The following CAPN3 variants were observed in gnomAD, a reference collection of about 807,000 sequenced individuals.
The protein encoded by CAPN3 is calpain-3.
Under a neutral mutation model 114.0 loss-of-function variants are expected in CAPN3, and 88 were observed. The ratio of observed to expected loss-of-function variants is 0.77; its 90% CI spans 0.65 to 0.92. The LOEUF is 0.92. Among genes scored for constraint, CAPN3 ranks in the 40% least tolerant of loss-of-function variants. The pLI, the probability that CAPN3 is intolerant of heterozygous loss-of-function variation, is 0.00. For synonymous variants in CAPN3, 386 were observed against 382.9 expected (o/e 1.01, Z -0.09); for missense variants, 1,028 against 1,069.0 (o/e 0.96, Z 0.53).
intron 12 of CAPN3, 65 bp downstream of exon 12, chr15:42,402,200 T>G: frequency 6.2e-7 from 1 of 1,611,462 alleles, no homozygotes; most frequent in Non-Finnish European, 8.5e-7. Context: ...AGTCTGTCTG[T>G]GGCTCGTCGA....
chr15:42,410,590 A>G lies in CAPN3; in HGVS notation c.2187A>G (p.Lys729=), dbSNP rs781393273. 1.2e-6 allele frequency: 2 copies of G among 1,614,020 alleles called. No homozygotes were observed. Among genetic ancestry groups the G allele is most frequent in the African/African-American group, 1.3e-5 (1 of 75,002 alleles). The change falls in exon 21 of 24, where the codon AAA becomes AAG. Residue 729 remains lysine, a splice_region_variant and synonymous_variant. Coordinates refer to ENST00000397163, the MANE Select transcript of CAPN3 (RefSeq NM_000070.3). ...HLWNKIKAWQ[K]IFKHYDTDQS... is the part of the protein sequence containing the mutation. ...ATCCTCAAATTTTCTATTGCCAGAA[A>G]ATTTTCAAACACTATGACACAGACC...
chr15:42,379,864 C>G (rs2053190550), intron 1 of CAPN3, among the ~76,000 whole-genome samples: 1 of 151,454 alleles, frequency 6.6e-6, no homozygotes, highest in South Asian at 2.1e-4. Context: ...CGCCTGTAAT[C>G]CCAGCACTTT....
rs748202079 is a variant in CAPN3, at chr15:42,410,600, C to T, written c.2197C>T (p.His733Tyr). The change falls in exon 21 of 24, where the codon CAC becomes TAC. Residue 733 changes from histidine (H) to tyrosine (Y), a missense_variant. Physicochemically the swap from His to Tyr is moderately conservative, Grantham distance 83. Transcript: ENST00000397163. Reference protein sequence around the residue: ...KIKAWQKIFKHYDTDQSGTIN... With the variant: ...KIKAWQKIFKYYDTDQSGTIN... Reference sequence around the variant, plus strand: ...TTTCTATTGCCAGAAAATTTTCAAACACTATGACACAGACCAGTCCGGCAC... The same window carrying T: ...TTTCTATTGCCAGAAAATTTTCAAATACTATGACACAGACCAGTCCGGCAC... 17 of 1,613,862 alleles carry T rather than the reference C, an allele frequency of 1.1e-5. No homozygotes were observed. In the South Asian group the frequency reaches 1.4e-4, roughly 14 times the overall value.
intron 9 of CAPN3, among the ~76,000 whole-genome samples, chr15:42,398,225 A>G (rs990714534): frequency 6.6e-6 from 1 of 152,132 alleles, no homozygotes; most frequent in African/African-American, 2.4e-5. Context: ...TTGAGATACC[A>G]TCATCTCAAA....
At chr15:42,372,229 G>A (rs116675632) in intron 1 of CAPN3, among the ~76,000 whole-genome samples, 7,975 of 151,944 alleles carry the variant, frequency 0.052, 647 homozygotes, top group African/African-American at 0.17. Context: ...GTGCAATCTC[G>A]GCTCACTGCA....
intron 1 of CAPN3, among the ~76,000 whole-genome samples, chr15:42,366,255 C>G (rs2052772560): frequency 1.3e-5 from 2 of 152,190 alleles, no homozygotes; most frequent in Admixed American, 1.3e-4. Flanking sequence ...ACCCTGCCAT[C>G]CCCAACCTAT....
At chr15:42,371,992 T>TA (rs576105179) in intron 1 of CAPN3, among the ~76,000 whole-genome samples, 49 of 144,718 alleles carry the variant, frequency 3.4e-4, no homozygotes, top group East Asian at 2.0e-3. Flanking sequence ...TCTTAAAAAT[T>TA]AAAAAAAAAA....
Position 42,389,970 on chromosome 15 carries a change from C to G in CAPN3, c.819C>G (p.Thr273=). 6.2e-7 allele frequency: 1 copy of G among 1,614,096 alleles called. No individual in the cohort carries two copies. Residue 273 remains threonine (T), a synonymous_variant, in exon 6 of 24, where the codon ACC becomes ACG. Transcript: ENST00000397163. ...GGCCTCAGGATGGCACGAACATGACCTATGGAACCTCTCCTTCTGGTCTGA... is the reference window on the plus strand; with the variant it reads ...GGCCTCAGGATGGCACGAACATGACGTATGGAACCTCTCCTTCTGGTCTGA... ...GCSIDDGTNM[T]YGTSPSGLNM...
At chr15:42,402,179 A>AG (rs777005302) in intron 12 of CAPN3, 44 bp downstream of exon 12, 3 of 1,613,716 alleles carry the variant, frequency 1.9e-6, no homozygotes, top group Non-Finnish European at 2.5e-6. Flanking sequence ...AGCACTACCC[A>AG]GGGGGCCCCG....
chr15:42,362,219 G>T (rs983053211), intron 1 of CAPN3, among the ~76,000 whole-genome samples: 8 of 152,198 alleles, frequency 5.3e-5, no homozygotes, highest in African/African-American at 1.9e-4. Context: ...TTGGAGACCA[G>T]CCTGGGCAAC....
intron 1 of CAPN3, among the ~76,000 whole-genome samples, chr15:42,365,184 G>A (rs377336998): frequency 1.7e-4 from 26 of 152,274 alleles, no homozygotes; most frequent in East Asian, 9.6e-4. Context: ...AGGGCCCACC[G>A]TATTTAGCAG....
intron 1 of CAPN3, 31 bp downstream of exon 1, chr15:42,360,145 T>C (rs28364366): frequency 3.7e-6 from 6 of 1,611,128 alleles, no homozygotes; most frequent in Non-Finnish European, 5.1e-6. Context: ...TGGCTGGGTT[T>C]TCCCCCCACG....
Position 42,411,785 on chromosome 15 carries a change from C to A in CAPN3, c.*12C>A. The A allele has an allele frequency of 6.2e-7, 1 of 1,612,490 alleles. No homozygotes were observed. Among genetic ancestry groups the A allele is most frequent in the Non-Finnish European group, 8.5e-7 (1 of 1,179,248 alleles). ...CCATGTATGCCTGAACCAGGCTGGC[C>A]TCATCCAAAGCCATGCAGGATCACT... On this transcript the variant is annotated 3_prime_UTR_variant, in exon 24 of 24. Transcript: ENST00000397163.
rs780949874 is a variant in CAPN3, at chr15:42,403,797, T to G, written c.1782+20T>G. The G allele has an allele frequency of 1.2e-6, 2 of 1,613,360 alleles. No homozygotes were observed. Among genetic ancestry groups the G allele is most frequent in the Non-Finnish European group, 1.7e-6 (2 of 1,179,314 alleles). ...CCAGTGGTGAGTGGTTTAGATCTTCTGTGCGAAAAGTCCAGAGGGTCCCCT... is the reference window on the plus strand; with the variant it reads ...CCAGTGGTGAGTGGTTTAGATCTTCGGTGCGAAAAGTCCAGAGGGTCCCCT... On this transcript the variant is annotated intron_variant, in intron 14 of 23. Coordinates refer to ENST00000397163, the MANE Select transcript of CAPN3 (RefSeq NM_000070.3).
At chr15:42,363,844 A>G (rs1445288297) in intron 1 of CAPN3, among the ~76,000 whole-genome samples, 1 of 152,152 alleles carries the variant, frequency 6.6e-6, no homozygotes, top group East Asian at 1.9e-4. Context: ...GGATTAAATA[A>G]CTCGCGCCAG....
chr15:42,364,801 C>G (rs1237074994), intron 1 of CAPN3, among the ~76,000 whole-genome samples: 1 of 152,180 alleles, frequency 6.6e-6, no homozygotes, highest in Non-Finnish European at 1.5e-5. Flanking sequence ...TTCGTTTTTC[C>G]CATCTGCATG....
rs1476973776 is a variant in CAPN3 at position 42,410,696 on chromosome 15, T to G, written c.2263+30T>G. On this transcript the variant is annotated intron_variant, in intron 21 of 23. Transcript: ENST00000397163. The stretch of plus-strand genomic sequence containing the variant: ...TGAGAAGGAAGGGGTGGCAGGGATG[T>G]GGACCCGAGACGGTGGGAGCAGGAA... 3 of 1,585,582 alleles carry G rather than the reference T, an allele frequency of 1.9e-6. No homozygotes were observed. The Admixed American group carries it at 5.1e-5, about 27-fold the overall frequency.
intron 1 of CAPN3, among the ~76,000 whole-genome samples, chr15:42,372,122 T>G (rs1312796888): frequency 6.6e-6 from 1 of 152,174 alleles, no homozygotes; most frequent in Non-Finnish European, 1.5e-5. Flanking sequence ...ATAGGTGTCT[T>G]TTAATAAAAG....
chr15:42,385,619 A>G (rs2053379939), intron 2 of CAPN3: 1 of 513,480 alleles, frequency 1.9e-6, no homozygotes, highest in African/African-American at 1.9e-5. Context: ...AGAGGTTCAG[A>G]GAATAAGAAA....
Sources: gnomAD v4.1 joint callset for allele counts (sites outside exome capture counted in the v4.1 genomes callset) on GRCh38, gnomAD v4.1.1 for gene constraint, MANE v1.5 for transcripts, NCBI Gene and HGNC (gene_info 2026-07-23, HGNC 2026-07-21) for gene names.